SNCAIP: variants seen among roughly 807,000 people sequenced by gnomAD.
SNCAIP encodes synuclein alpha interacting protein.
In SNCAIP, 43 loss-of-function variants were observed where a neutral mutation model predicts 86.7. That is an observed-to-expected ratio of 0.50 (90% confidence interval 0.39 to 0.64). The LOEUF (loss-of-function observed/expected upper bound fraction) is 0.64, where lower values mean the gene tolerates loss of function less well. Among genes scored for constraint, SNCAIP ranks in the 30% least tolerant of loss-of-function variants. The probability of loss-of-function intolerance (pLI) is 0.00; values close to 1 mark genes in which losing one functional copy is unlikely to be tolerated. For missense variants in SNCAIP, 981 were observed against 1,103.1 expected (o/e 0.89, Z 1.57); for synonymous variants, 417 against 427.2 (o/e 0.98, Z 0.29).
chr5:122,386,923 G>A (rs563983312), intron 1 of SNCAIP, among the ~76,000 whole-genome samples: 157 of 152,212 alleles, frequency 1.0e-3, no homozygotes, highest in Non-Finnish European at 1.4e-3. Flanking sequence ...TCAATCCGTG[G>A]ACAATACTCA....
At chr5:122,315,268 A>C (rs1400349907) in intron 1 of SNCAIP, among the ~76,000 whole-genome samples, 1 of 152,228 alleles carries the variant, frequency 6.6e-6, no homozygotes, top group Non-Finnish European at 1.5e-5. Flanking sequence ...GGCAGTTATC[A>C]GACTGTTGGC....
chr5:122,448,710 T>C (rs1215672344), intron 8 of SNCAIP, among the ~76,000 whole-genome samples: 1 of 138,886 alleles, frequency 7.2e-6, no homozygotes, highest in Non-Finnish European at 1.5e-5. Context: ...TATATACATA[T>C]ATATAATATA....
At chr5:122,417,649 C>T (rs1239777381) in intron 3 of SNCAIP, among the ~76,000 whole-genome samples, 1 of 151,678 alleles carries the variant, frequency 6.6e-6, no homozygotes. Flanking sequence ...ATCTTCCTTC[C>T]CTCCTTCCTC....
intron 3 of SNCAIP, among the ~76,000 whole-genome samples, chr5:122,407,671 C>A (rs547533351): frequency 6.6e-6 from 1 of 152,118 alleles, no homozygotes; most frequent in Non-Finnish European, 1.5e-5. Flanking sequence ...AAAAGGTCTA[C>A]AGCTATTTTT....
chr5:122,398,025 C>A (rs1250265187), intron 2 of SNCAIP, among the ~76,000 whole-genome samples: 1 of 152,078 alleles, frequency 6.6e-6, no homozygotes, highest in African/African-American at 2.4e-5. Flanking sequence ...AGCACAGTAT[C>A]TATTGAGTGG....
At chr5:122,334,873 A>C (rs1580456283) in intron 1 of SNCAIP, among the ~76,000 whole-genome samples, 1 of 152,210 alleles carries the variant, frequency 6.6e-6, no homozygotes, top group East Asian at 1.9e-4. Flanking sequence ...TATTCCTTCA[A>C]TCTAGGCCTC....
intron 1 of SNCAIP, among the ~76,000 whole-genome samples, chr5:122,316,529 G>A (rs917608855): frequency 2.0e-5 from 3 of 152,194 alleles, no homozygotes; most frequent in East Asian, 1.9e-4. Flanking sequence ...CGGCCTAGAC[G>A]TGGGGAAGCA....
intron 3 of SNCAIP, among the ~76,000 whole-genome samples, chr5:122,418,967 G>C (rs140340480): frequency 6.6e-6 from 1 of 152,274 alleles, no homozygotes; most frequent in African/African-American, 2.4e-5. Context: ...GTTTAGTGAT[G>C]ATGAAGAGGG....
intron 8 of SNCAIP, among the ~76,000 whole-genome samples, chr5:122,447,388 A>G (rs965482079): frequency 1.3e-5 from 2 of 152,208 alleles, no homozygotes; most frequent in Non-Finnish European, 2.9e-5. Flanking sequence ...CTTTTCTACA[A>G]TTAAAGCTGA....
chr5:122,434,028 T>C (rs928257985), intron 6 of SNCAIP, among the ~76,000 whole-genome samples: 2 of 152,130 alleles, frequency 1.3e-5, no homozygotes, highest in Middle Eastern at 3.2e-3. Context: ...TTAGGATGGG[T>C]TTATTGGGCC....
intron 1 of SNCAIP, among the ~76,000 whole-genome samples, chr5:122,318,658 T>C (rs1191741902): frequency 1.3e-5 from 2 of 152,216 alleles, no homozygotes; most frequent in African/African-American, 4.8e-5. Context: ...CAGATTCTCT[T>C]TGAAGCTGCT....
At chr5:122,375,171 T>G (rs1056976148) in intron 1 of SNCAIP, among the ~76,000 whole-genome samples, 1 of 152,158 alleles carries the variant, frequency 6.6e-6, no homozygotes, top group Non-Finnish European at 1.5e-5. Context: ...TATACTCTTT[T>G]CTTCAGAAAA....
intron 1 of SNCAIP, among the ~76,000 whole-genome samples, chr5:122,378,783 T>G (rs556690852): frequency 0.011 from 1,568 of 143,132 alleles, 111 homozygotes; most frequent in African/African-American, 0.04. Context: ...CCCAGCACCA[T>G]TTATTAAATA....
At chr5:122,341,807 G>A (rs1757655911) in intron 1 of SNCAIP, among the ~76,000 whole-genome samples, 1 of 152,094 alleles carries the variant, frequency 6.6e-6, no homozygotes, top group South Asian at 2.1e-4. Flanking sequence ...TTGGATAGGA[G>A]GAGATTCTTG....
chr5:122,403,741 T>A (rs6875859), intron 2 of SNCAIP, 52 bp from the exon 3 acceptor site: 175,619 of 1,398,528 alleles, frequency 0.13, 12,336 homozygotes, highest in South Asian at 0.24. Flanking sequence ...TCTGAGTGAA[T>A]GCTCGCATTT....
intron 6 of SNCAIP, among the ~76,000 whole-genome samples, chr5:122,437,815 G>T (rs1345266774): frequency 6.6e-6 from 1 of 152,178 alleles, no homozygotes; most frequent in Non-Finnish European, 1.5e-5. Flanking sequence ...CACAGACCAT[G>T]TATGTCTTGT....
At chr5:122,387,662 A>G (rs143294755) in intron 1 of SNCAIP, among the ~76,000 whole-genome samples, 7 of 152,276 alleles carry the variant, frequency 4.6e-5, no homozygotes, top group Non-Finnish European at 1.0e-4. Context: ...ACAGCAGTGA[A>G]GTGTCACCAT....
chr5:122,397,801 C>G (rs1021392633), intron 2 of SNCAIP, among the ~76,000 whole-genome samples: 1 of 151,986 alleles, frequency 6.6e-6, no homozygotes, highest in Non-Finnish European at 1.5e-5. Flanking sequence ...GAAGTATATT[C>G]CATGTGGTGG....
At chr5:122,340,113 A>G (rs1168532556) in intron 1 of SNCAIP, among the ~76,000 whole-genome samples, 1 of 152,230 alleles carries the variant, frequency 6.6e-6, no homozygotes, top group East Asian at 1.9e-4. Flanking sequence ...AGAATAAGAC[A>G]TTATACAAAA....
Sources: allele counts gnomAD v4.1 joint callset (sites outside exome capture counted in the v4.1 genomes callset), GRCh38; gene constraint gnomAD v4.1.1; transcripts MANE v1.5; gene names NCBI Gene and HGNC (gene_info 2026-07-23, HGNC 2026-07-21).